Variants in C3orf70 observed in about 807,000 individuals in gnomAD.
The protein encoded by C3orf70 is chromosome 3 open reading frame 70, also known as UPF0524 protein C3orf70.
In C3orf70, 15 loss-of-function variants were observed where a neutral mutation model predicts 20.7. That is an observed-to-expected ratio of 0.72 (90% CI 0.48 to 1.11). C3orf70 has a LOEUF of 1.11. Among genes scored for constraint, C3orf70 ranks in the 50% most tolerant of loss-of-function variants. The probability of loss-of-function intolerance (pLI) is 0.00; values close to 1 mark genes in which losing one functional copy is unlikely to be tolerated. For missense variants in C3orf70, 332 were observed against 317.6 expected (o/e 1.05, Z -0.34); for synonymous variants, 161 against 125.7 (o/e 1.28, Z -1.88).
intron 1 of C3orf70, among the ~76,000 whole-genome samples, chr3:185,110,382 A>T (rs1232981562): frequency 6.6e-6 from 1 of 152,220 alleles, no homozygotes; most frequent in Non-Finnish European, 1.5e-5. Flanking sequence ...AAACACTTGG[A>T]AGCTCTGTGA....
chr3:185,148,427 C>G (rs1716918933), intron 1 of C3orf70, among the ~76,000 whole-genome samples: 1 of 151,838 alleles, frequency 6.6e-6, no homozygotes, highest in African/African-American at 2.4e-5. Context: ...CCTTAATAAT[C>G]TTCCCCTCCC....
chr3:185,088,782 G>A (rs1715508868), intron 1 of C3orf70, among the ~76,000 whole-genome samples: 1 of 152,192 alleles, frequency 6.6e-6, no homozygotes, highest in Non-Finnish European at 1.5e-5. Flanking sequence ...AGCATGGATA[G>A]GTGGCTCTTG....
intron 1 of C3orf70, among the ~76,000 whole-genome samples, chr3:185,084,244 TTATCTC>T (rs1041697769): frequency 5.3e-5 from 8 of 152,290 alleles, no homozygotes; most frequent in South Asian, 2.1e-4. Context: ...AATTCCATGT[TTATCTC>T]TAATAATGTT....
chr3:185,110,771 C>T (rs1398482966), intron 1 of C3orf70, among the ~76,000 whole-genome samples: 4 of 152,266 alleles, frequency 2.6e-5, no homozygotes, highest in African/African-American at 9.6e-5. Flanking sequence ...TAAGGACATG[C>T]TCCTGCTGCA....
intron 1 of C3orf70, 46 bp from the exon 2 acceptor site, chr3:185,083,609 A>G: frequency 6.8e-7 from 1 of 1,474,602 alleles, no homozygotes; most frequent in Non-Finnish European, 9.0e-7. Context: ...TACACAAACT[A>G]TATTAACATG....
At chr3:185,112,848 T>G (rs1251721621) in intron 1 of C3orf70, among the ~76,000 whole-genome samples, 1 of 152,220 alleles carries the variant, frequency 6.6e-6, no homozygotes, top group African/African-American at 2.4e-5. Context: ...GGACTTTGCA[T>G]GTCTAAACTA....
chr3:185,088,526 GA>G lies in C3orf70; in HGVS notation c.197-4964del, dbSNP rs1264255218. 2.0e-5 allele frequency among the ~76,000 whole-genome samples: 3 copies of G among 150,714 alleles called. No homozygotes were observed. The East Asian group carries it at 5.8e-4, about 29-fold the overall frequency. On this transcript the variant is annotated intron_variant, in intron 1 of 1. Coordinates refer to ENST00000335012, the MANE Select transcript of C3orf70 (RefSeq NM_001025266.3). ...TTCTTAAAATTTTATATAAATCTAT[GA>G]TTTTTTTTCAAAATGTATAATCTAA...
chr3:185,117,450 C>CACACACAG, intron 1 of C3orf70, among the ~76,000 whole-genome samples: 1 of 67,398 alleles, frequency 1.5e-5, no homozygotes, highest in South Asian at 5.1e-4. Flanking sequence ...CACACACACA[C>CACACACAG]AGAAAGAGAG....
chr3:185,095,681 A>T (rs1356188900), intron 1 of C3orf70, among the ~76,000 whole-genome samples: 1 of 151,380 alleles, frequency 6.6e-6, no homozygotes, highest in Non-Finnish European at 1.5e-5. Flanking sequence ...GTGTCTGTAT[A>T]TTATTCAAGA....
chr3:185,145,474 T>TTAAA (rs3072396), intron 1 of C3orf70, among the ~76,000 whole-genome samples: 124,178 of 151,804 alleles, frequency 0.82, 50,866 homozygotes, highest in Non-Finnish European at 0.84. Context: ...AAATACATTA[T>TTAAA]TGTTTTTGAA....
chr3:185,116,033 G>A (rs929158542), intron 1 of C3orf70, among the ~76,000 whole-genome samples: 4 of 152,160 alleles, frequency 2.6e-5, no homozygotes, highest in South Asian at 2.1e-4. Flanking sequence ...TCTCTGCAAC[G>A]GAGCTTGTCC....
At chr3:185,145,833 G>A (rs1437782300) in intron 1 of C3orf70, among the ~76,000 whole-genome samples, 2 of 152,244 alleles carry the variant, frequency 1.3e-5, no homozygotes, top group Non-Finnish European at 2.9e-5. Flanking sequence ...AAAAAGTTAT[G>A]TGCCTGCACA....
intron 1 of C3orf70, among the ~76,000 whole-genome samples, chr3:185,123,252 A>C (rs1577329299): frequency 6.9e-6 from 1 of 144,986 alleles, no homozygotes; most frequent in African/African-American, 2.5e-5. Flanking sequence ...TGTAAGCATA[A>C]AAATGCTGAA....
intron 1 of C3orf70, among the ~76,000 whole-genome samples, chr3:185,102,733 G>T (rs969055585): frequency 6.6e-6 from 1 of 152,088 alleles, no homozygotes; most frequent in African/African-American, 2.4e-5. Flanking sequence ...AAACAGAATA[G>T]AGCCCCAAAA....
At chr3:185,093,046 C>T (rs890510697) in intron 1 of C3orf70, among the ~76,000 whole-genome samples, 4 of 151,758 alleles carry the variant, frequency 2.6e-5, no homozygotes, top group African/African-American at 9.7e-5. Context: ...TATCCCTTAT[C>T]TGAAATGCCT....
At chr3:185,125,892 G>A (rs182210046) in intron 1 of C3orf70, among the ~76,000 whole-genome samples, 2 of 152,322 alleles carry the variant, frequency 1.3e-5, no homozygotes, top group Admixed American at 1.3e-4. Flanking sequence ...GGATGGGGGT[G>A]AGATGGGAAT....
At chr3:185,144,968 A>G (rs1052842625) in intron 1 of C3orf70, among the ~76,000 whole-genome samples, 1 of 152,204 alleles carries the variant, frequency 6.6e-6, no homozygotes, top group African/African-American at 2.4e-5. Flanking sequence ...AGGTTTAGTA[A>G]TCTACCCAAA....
intron 1 of C3orf70, among the ~76,000 whole-genome samples, chr3:185,090,554 A>G (rs1715544827): frequency 6.6e-6 from 1 of 152,210 alleles, no homozygotes; most frequent in South Asian, 2.1e-4. Context: ...ACTGAAAAAA[A>G]ATGAGTGGCC....
chr3:185,148,979 T>C (rs1277475702), intron 1 of C3orf70, among the ~76,000 whole-genome samples: 2 of 152,246 alleles, frequency 1.3e-5, no homozygotes, highest in African/African-American at 2.4e-5. Flanking sequence ...CTTCCTTGTT[T>C]TGAATCTACC....
Sources: allele counts gnomAD v4.1 joint callset (sites outside exome capture counted in the v4.1 genomes callset), GRCh38; gene constraint gnomAD v4.1.1; transcripts MANE v1.5; gene names NCBI Gene and HGNC (gene_info 2026-07-23, HGNC 2026-07-21).